The following EGR3 variants were observed in gnomAD, a reference collection of about 807,000 sequenced individuals.
The protein encoded by EGR3 is early growth response protein 3.
In EGR3, 4 loss-of-function variants were observed where a neutral mutation model predicts 22.4. The observed-to-expected ratio is 0.18, with a 90% CI of 0.09 to 0.41. EGR3 has a LOEUF of 0.41. Ranked by LOEUF, EGR3 falls within the 10% of genes least tolerant of loss-of-function variation. The probability of loss-of-function intolerance (pLI) is 1.00; values close to 1 mark genes in which losing one functional copy is unlikely to be tolerated. For synonymous variants in EGR3, 219 were observed against 226.8 expected, an observed-to-expected ratio of 0.97 and a Z score of 0.31; for missense variants, 315 against 541.3, an observed-to-expected ratio of 0.58 and a Z score of 4.15.
In EGR3 at chr8:22,692,489, T is replaced by C. The variant is rs1804005443; in HGVS notation, c.154+302A>G. The C allele has an allele frequency of 4.9e-6, 7 of 1,427,620 alleles. No homozygotes were observed. The highest frequency in any genetic ancestry group is 3.7e-6 in the Non-Finnish European group (4 of 1,095,304). 88.4% of individuals were successfully genotyped at this position (1,427,620 alleles called of 1,614,324 possible). A position where few individuals can be genotyped will look rare whatever the true frequency, so the allele number is the denominator to read the frequency against. ...TGGTGAGGGAGAACCCCAGAGCCGC[T>C]CGCACCTACCTCCCTCCGGTCGGCG... On this transcript the variant is annotated intron_variant, in intron 1 of 1. Coordinates refer to ENST00000317216, the MANE Select transcript of EGR3 (RefSeq NM_004430.3). This position sits in a 1 kb window ranked among gnomAD's most constrained non-coding sequence, Gnocchi z 6.2.
chr8:22,688,406 A>C lies in EGR3; in HGVS notation c.*2067T>G, dbSNP rs769926595. 1 of 152,642 alleles carries C rather than the reference A, an allele frequency of 6.6e-6. No individual in the cohort carries two copies. Among genetic ancestry groups the C allele is most frequent in the Admixed American group, 6.5e-5 (1 of 15,276 alleles). The allele number at this position is 152,642 out of a possible 1,614,324, so 9.5% of individuals were successfully genotyped here. A position where few individuals can be genotyped will look rare whatever the true frequency, so the allele number is the denominator to read the frequency against. Reference sequence around the variant, plus strand: ...ATTCAGCAAAATACTGTCTCTGCAAAGAAAGATTTTACCCTTCAGCTGAAA... The same window carrying C: ...ATTCAGCAAAATACTGTCTCTGCAACGAAAGATTTTACCCTTCAGCTGAAA... On this transcript the variant is annotated 3_prime_UTR_variant, in exon 2 of 2. Transcript: ENST00000317216.
Position 22,691,295 on chromosome 8 carries a change from G to A in EGR3, c.342C>T (p.Pro114=). 6.2e-7 allele frequency: 1 copy of A among 1,614,002 alleles called. No individual in the cohort carries two copies. Among genetic ancestry groups the A allele is most frequent in the Non-Finnish European group, 8.5e-7 (1 of 1,180,014 alleles). Residue 114 remains proline (P), a synonymous_variant, in exon 2 of 2, where the codon CCC becomes CCT. Coordinates refer to ENST00000317216, the MANE Select transcript of EGR3 (RefSeq NM_004430.3). ...SLMSAGILGV[P]PASGALSTQT... ...GCGTGCTGAGCGCCCCTGAAGCCGG[G>A]GGCACCCCCAAGATGCCGGCGCTCA...
In EGR3 at chr8:22,690,478, C is replaced by A. The variant is rs760574595; in HGVS notation, c.1159G>T (p.Ala387Ser). ...VSLAPVVTTC[A>S] ...GGGATCTGGGGGCCCGATCCTCAGG[C>A]GCAGGTGGTGACCACGGGGGCCAGC... The change falls in exon 2 of 2, where the codon GCC becomes TCC. Residue 387 changes from alanine (A) to serine (S), a missense_variant. Coordinates refer to ENST00000317216, the MANE Select transcript of EGR3 (RefSeq NM_004430.3). The A allele has an allele frequency of 3.1e-6, 5 of 1,601,444 alleles. No individual in the cohort carries two copies. The South Asian group carries it at 3.3e-5, about 11-fold the overall frequency.
rs1803989281 is a variant in EGR3 at position 22,692,102 on chromosome 8, C to T, written c.155-620G>A. 1.5e-6 allele frequency: 2 copies of T among 1,358,964 alleles called. No individual in the cohort carries two copies. The highest frequency in any genetic ancestry group is 1.9e-6 in the Non-Finnish European group (2 of 1,060,082). The allele number at this position is 1,358,964 out of a possible 1,614,324, so 84.2% of individuals were successfully genotyped here. ...TCTTGCTGGAGGGGAAAATCCTAGC[C>T]CCAGCTAGGGAGGGTGGAGAGCGGC... On this transcript the variant is annotated intron_variant, in intron 1 of 1. Transcript: ENST00000317216. The surrounding 1 kb of genome is among the most constrained non-coding windows in gnomAD (Gnocchi z 6.2).
At chr8:22,691,689 G>T (rs1803965814) in intron 1 of EGR3, 2 of 982,206 alleles carry the variant, frequency 2.0e-6, no homozygotes, top group African/African-American at 3.5e-5. Context: ...ACGGATCGGG[G>T]TGTGGAGTGG....
At position 22,692,397 on chromosome 8, in the gene EGR3, G is replaced by A. The variant is rs1445137307; in HGVS notation, c.154+394C>T. 2 of 1,443,804 alleles carry A rather than the reference G, an allele frequency of 1.4e-6. No individual in the cohort carries two copies. Among genetic ancestry groups the A allele is most frequent in the Non-Finnish European group, 1.8e-6 (2 of 1,104,056 alleles). 89.4% of individuals were successfully genotyped at this position (1,443,804 alleles called of 1,614,324 possible). On this transcript the variant is annotated intron_variant, in intron 1 of 1. Coordinates refer to ENST00000317216, the MANE Select transcript of EGR3 (RefSeq NM_004430.3). This position sits in a 1 kb window ranked among gnomAD's most constrained non-coding sequence, Gnocchi z 6.2. ...GAGAGCGCGGGTGAAAAAGACGCCG[G>A]GCTCCTCCCGGGAAGAGGGCGACAG...
chr8:22,692,161 G>A lies in EGR3; in HGVS notation c.154+630C>T. ...GGCCGGTGTCTCCATGGCGGGAGAG[G>A]CCGCCCTTCCCCAGCTCCCCGGCCC... is the stretch of plus-strand genomic sequence containing the variant. On this transcript the variant is annotated intron_variant, in intron 1 of 1. Coordinates refer to ENST00000317216, the MANE Select transcript of EGR3 (RefSeq NM_004430.3). This position sits in a 1 kb window ranked among gnomAD's most constrained non-coding sequence, Gnocchi z 6.2. 9.4e-6 allele frequency: 13 copies of A among 1,380,072 alleles called. No homozygotes were observed. Among genetic ancestry groups the A allele is most frequent in the Non-Finnish European group, 1.1e-5 (12 of 1,071,734 alleles). The allele number at this position is 1,380,072 out of a possible 1,614,324, so 85.5% of individuals were successfully genotyped here.
Position 22,691,095 on chromosome 8 carries a change from G to C in EGR3, c.542C>G (p.Pro181Arg). 5 of 1,613,914 alleles carry C rather than the reference G, an allele frequency of 3.1e-6. No homozygotes were observed. Among genetic ancestry groups the C allele is most frequent in the Non-Finnish European group, 3.4e-6 (4 of 1,179,786 alleles). Reference protein sequence around the residue: ...YSPQDYQSAKPALDSNLFPMI... With the variant: ...YSPQDYQSAKRALDSNLFPMI... ...GGGGAAGAGATTGCTGTCCAACGCC[G>C]GCTTGGCCGATTGGTAATCCTGGGG... Residue 181 changes from proline to arginine, a missense_variant, in exon 2 of 2, where the codon CCG (proline) becomes CGG (arginine). Pro to Arg is a moderately radical substitution (Grantham distance 103). Transcript: ENST00000317216.
rs1804035105 is a variant in EGR3 at position 22,693,361 on chromosome 8, ACCGCCACCGCCGCCGCCGCCGCCGCCG to A, written c.-444_-418del. 1 of 36,990 alleles carries A rather than the reference ACCGCCACCGCCGCCGCCGCCGCCGCCG, an allele frequency of 2.7e-5. No homozygotes were observed. The highest frequency in any genetic ancestry group is 4.9e-5 in the Non-Finnish European group (1 of 20,532). 2.3% of individuals were successfully genotyped at this position (36,990 alleles called of 1,614,324 possible). ...CCCCCGATCTGCCACCGCCACCGCCACCGCCACCGCCGCCGCCGCCGCCGCCGCCGCCGCCGCCTCTGCCGCCGCTGC... is the reference window on the plus strand; with the variant it reads ...CCCCCGATCTGCCACCGCCACCGCCACCGCCGCCGCCTCTGCCGCCGCTGC... On this transcript the variant is annotated 5_prime_UTR_variant, in exon 1 of 2. Transcript: ENST00000317216.
At position 22,693,378 on chromosome 8, in the gene EGR3, CGCCGCCGCCGCCGCCGCCGCCTCT is replaced by C. The variant is rs1804037144; in HGVS notation, c.-458_-435del. 1 of 165,532 alleles carries C rather than the reference CGCCGCCGCCGCCGCCGCCGCCTCT, an allele frequency of 6.0e-6. No homozygotes were observed. The highest frequency in any genetic ancestry group is 1.2e-5 in the Non-Finnish European group (1 of 80,956). 10.3% of individuals were successfully genotyped at this position (165,532 alleles called of 1,614,324 possible). Reference sequence around the variant, plus strand: ...CCACCGCCACCGCCACCGCCGCCGCCGCCGCCGCCGCCGCCGCCGCCTCTGCCGCCGCTGCCGCCGCTGCTACCA... The same window carrying C: ...CCACCGCCACCGCCACCGCCGCCGCCGCCGCCGCTGCCGCCGCTGCTACCA... On this transcript the variant is annotated 5_prime_UTR_variant, in exon 1 of 2. Transcript: ENST00000317216.
At position 22,692,444 on chromosome 8, in the gene EGR3, C is replaced by A; in HGVS notation, c.154+347G>T. On this transcript the variant is annotated intron_variant, in intron 1 of 1. Coordinates refer to ENST00000317216, the MANE Select transcript of EGR3 (RefSeq NM_004430.3). The surrounding 1 kb of genome is among the most constrained non-coding windows in gnomAD (Gnocchi z 6.2). ...ACAGCACCACGCCTTGCGCGTAGCC[C>A]GGCGATCGGGCCCCCTGCGTGGTGA... The A allele has an allele frequency of 7.0e-7, 1 of 1,423,198 alleles. No individual in the cohort carries two copies. Among genetic ancestry groups the A allele is most frequent in the South Asian group, 1.5e-5 (1 of 66,780 alleles). The allele number at this position is 1,423,198 out of a possible 1,614,324, so 88.2% of individuals were successfully genotyped here. A position where few individuals can be genotyped will look rare whatever the true frequency, so the allele number is the denominator to read the frequency against.
rs903632785 is a variant in EGR3 at position 22,690,722 on chromosome 8, G to T, written c.915C>A (p.Phe305Leu). Residue 305 changes from phenylalanine to leucine, a missense_variant, in exon 2 of 2, where the codon TTC becomes TTA. Coordinates refer to ENST00000317216, the MANE Select transcript of EGR3 (RefSeq NM_004430.3). ...HLRIHTGHKP[F>L]QCRICMRSFS... ...AGCTCCGCATGCAGATCCGGCACTG[G>T]AAGGGCTTGTGGCCCGTGTGGATGC... 6.2e-7 allele frequency: 1 copy of T among 1,613,968 alleles called. No homozygotes were observed. The highest frequency in any genetic ancestry group is 8.5e-7 in the Non-Finnish European group (1 of 1,179,942).
In EGR3 at chr8:22,692,173, C is replaced by A; in HGVS notation, c.154+618G>T. The A allele has an allele frequency of 7.2e-7, 1 of 1,380,094 alleles. No homozygotes were observed. Among genetic ancestry groups the A allele is most frequent in the South Asian group, 1.6e-5 (1 of 62,340 alleles). 85.5% of individuals were successfully genotyped at this position (1,380,094 alleles called of 1,614,324 possible). On this transcript the variant is annotated intron_variant, in intron 1 of 1. Coordinates refer to ENST00000317216, the MANE Select transcript of EGR3 (RefSeq NM_004430.3). The surrounding 1 kb of genome is among the most constrained non-coding windows in gnomAD (Gnocchi z 6.2). ...CATGGCGGGAGAGGCCGCCCTTCCC[C>A]AGCTCCCCGGCCCCGGGATCGTTCC...
chr8:22,691,411 G>T lies in EGR3; in HGVS notation c.226C>A (p.Pro76Thr), dbSNP rs1413022468. The change falls in exon 2 of 2, where the codon CCA (proline) becomes ACA (threonine). Residue 76 changes from proline (P) to threonine (T), a missense_variant. This residue lies in a region of EGR3 where 227 missense variants were observed against 303.6 expected (regional missense o/e 0.75). Coordinates refer to ENST00000317216, the MANE Select transcript of EGR3 (RefSeq NM_004430.3). ...PELSYSGSFQPAPGNKTVTYL... is the reference protein window; with the variant it reads ...PELSYSGSFQTAPGNKTVTYL... Reference sequence around the variant, plus strand: ...GTCACGGTCTTGTTGCCGGGGGCTGGCTGGAAGGAGCCGGAGTAAGAGAGT... The same window carrying T: ...GTCACGGTCTTGTTGCCGGGGGCTGTCTGGAAGGAGCCGGAGTAAGAGAGT... 6.2e-7 allele frequency: 1 copy of T among 1,614,174 alleles called. No individual in the cohort carries two copies. Among genetic ancestry groups the T allele is most frequent in the Non-Finnish European group, 8.5e-7 (1 of 1,180,026 alleles).
Position 22,691,039 on chromosome 8 carries a change from G to T in EGR3, c.598C>A (p.Pro200Thr), listed in dbSNP as rs573987115. 110 of 1,604,964 alleles carry T rather than the reference G, an allele frequency of 6.9e-5. 1 individual carries two copies. The South Asian group carries it at 1.2e-3, about 18-fold the overall frequency. The change falls in exon 2 of 2, where the codon CCC (proline) becomes ACC (threonine). Residue 200 changes from proline to threonine, a missense_variant. This residue lies in a region of EGR3 where 227 missense variants were observed against 303.6 expected (regional missense o/e 0.75). Transcript: ENST00000317216. The stretch of plus-strand genomic sequence containing the variant: ...TCCGGAATGGAGCCCATGTCGTTGG[G>T]GTGGTGGTAGAGGTTGTAGTCAGGA... ...MIPDYNLYHHPNDMGSIPEHK... is the reference protein window; with the variant it reads ...MIPDYNLYHHTNDMGSIPEHK...
At position 22,691,948 on chromosome 8, in the gene EGR3, C is replaced by T. The variant is rs1803981288; in HGVS notation, c.155-466G>A. 4 of 1,244,518 alleles carry T rather than the reference C, an allele frequency of 3.2e-6. No homozygotes were observed. The East Asian group carries it at 1.3e-4, about 41-fold the overall frequency. The allele number at this position is 1,244,518 out of a possible 1,614,324, so 77.1% of individuals were successfully genotyped here. On this transcript the variant is annotated intron_variant, in intron 1 of 1. Coordinates refer to ENST00000317216, the MANE Select transcript of EGR3 (RefSeq NM_004430.3). ...CCGGCGATGCCCCCCACGCGCGCTG[C>T]TCCCGGGTCGCCGACCCAGAGCGCT...
In EGR3 at chr8:22,692,554, G is replaced by GCT; in HGVS notation, c.154+236_154+237insAG. 1 of 1,427,138 alleles carries GCT rather than the reference G, an allele frequency of 7.0e-7. No individual in the cohort carries two copies. The highest frequency in any genetic ancestry group is 2.6e-4 in the Middle Eastern group (1 of 3,848). 88.4% of individuals were successfully genotyped at this position (1,427,138 alleles called of 1,614,324 possible). Reference sequence around the variant, plus strand: ...GGAGAACCGAAGCCTCTACCGTGGCGTCGCCAACCTAGCCTTCTCGATCGA... The same window carrying GCT: ...GGAGAACCGAAGCCTCTACCGTGGCGCTTCGCCAACCTAGCCTTCTCGATCGA... On this transcript the variant is annotated intron_variant, in intron 1 of 1. Coordinates refer to ENST00000317216, the MANE Select transcript of EGR3 (RefSeq NM_004430.3). The surrounding 1 kb of genome is among the most constrained non-coding windows in gnomAD (Gnocchi z 6.2).
rs1308285447 is a variant in EGR3, at chr8:22,691,330, T to C, written c.307A>G (p.Ile103Val). ...AAGATGCCGGCGCTCATGAGGCTAA[T>C]GATGTTGTCCTGGCACCAGTTGGAA... ...SPSNWCQDNI[I>V]SLMSAGILGV... The change falls in exon 2 of 2, where the codon ATT (isoleucine) becomes GTT (valine). Residue 103 changes from isoleucine (I) to valine (V), a missense_variant. This residue lies in a region of EGR3 where 227 missense variants were observed against 303.6 expected (regional missense o/e 0.75). Transcript: ENST00000317216. 6.2e-7 allele frequency: 1 copy of C among 1,614,014 alleles called. No individual in the cohort carries two copies.
At position 22,692,197 on chromosome 8, in the gene EGR3, C is replaced by T; in HGVS notation, c.154+594G>A. 1 of 1,398,362 alleles carries T rather than the reference C, an allele frequency of 7.2e-7. No individual in the cohort carries two copies. The highest frequency in any genetic ancestry group is 9.3e-7 in the Non-Finnish European group (1 of 1,080,854). The allele number at this position is 1,398,362 out of a possible 1,614,324, so 86.6% of individuals were successfully genotyped here. On this transcript the variant is annotated intron_variant, in intron 1 of 1. Transcript: ENST00000317216. This position sits in a 1 kb window ranked among gnomAD's most constrained non-coding sequence, Gnocchi z 6.2. ...CCAGCTCCCCGGCCCCGGGATCGTT[C>T]CCCGTGGCAGGCCCTCGCCCCGCGG...
Sources: allele counts gnomAD v4.1 joint callset, GRCh38; gene constraint gnomAD v4.1.1; regional missense constraint gnomAD v4.1.1; non-coding constraint Gnocchi (gnomAD v3.1); transcripts MANE v1.5; gene names NCBI Gene and HGNC (gene_info 2026-07-23, HGNC 2026-07-21).